GRM4: variants seen among roughly 807,000 people sequenced by gnomAD.
GRM4 encodes the protein metabotropic glutamate receptor 4.
A neutral mutation model predicts 81.7 loss-of-function variants in GRM4; 28 were observed. The observed-to-expected ratio is 0.34, with a 90% CI of 0.25 to 0.47. The LOEUF (loss-of-function observed/expected upper bound fraction) is 0.47. Among genes scored for constraint, GRM4 ranks in the 20% least tolerant of loss-of-function variants. GRM4 has a pLI of 1.00. For missense variants in GRM4, 948 were observed against 1,290.0 expected, an observed-to-expected ratio of 0.73 and a Z score of 4.06; for synonymous variants, 488 against 528.8, an observed-to-expected ratio of 0.92 and a Z score of 1.06.
At chr6:34,112,214 A>T (rs980465983) in intron 2 of GRM4, among the ~76,000 whole-genome samples, 3 of 152,270 alleles carry the variant, frequency 2.0e-5, no homozygotes, top group African/African-American at 7.2e-5. Flanking sequence ...TATTTATCCA[A>T]CGAGCGATAA....
chr6:34,101,648 G>C (rs1055799007), intron 2 of GRM4, among the ~76,000 whole-genome samples: 7 of 152,228 alleles, frequency 4.6e-5, no homozygotes, highest in Non-Finnish European at 1.0e-4. Context: ...TCCACTCCTG[G>C]CTGTCAAACT....
Position 34,035,559 on chromosome 6 carries a change from T to TGAAAGAAGGCAGGATGAGGCAA in GRM4, c.2442+108_2442+109insTTGCCTCATCCTGCCTTCTTTC, listed in dbSNP as rs1198761612. 1.7e-6 allele frequency: 1 copy of TGAAAGAAGGCAGGATGAGGCAA among 577,656 alleles called. No homozygotes were observed. Among genetic ancestry groups the TGAAAGAAGGCAGGATGAGGCAA allele is most frequent in the African/African-American group, 2.3e-5 (1 of 43,268 alleles). The allele number at this position is 577,656 out of a possible 1,614,324, so 35.8% of individuals were successfully genotyped here. On this transcript the variant is annotated intron_variant, in intron 9 of 10. Coordinates refer to ENST00000538487, the MANE Select transcript of GRM4 (RefSeq NM_000841.4). The surrounding 1 kb of genome is among the most constrained non-coding windows in gnomAD (Gnocchi z 6.6). ...GCAAGAAAGAAGGCAGAATGAGGCATGAAAGAAGGCATTTCTGGAGCAGGG... is the reference window on the plus strand; with the variant it reads ...GCAAGAAAGAAGGCAGAATGAGGCATGAAAGAAGGCAGGATGAGGCAAGAAAGAAGGCATTTCTGGAGCAGGG...
In GRM4 at chr6:34,048,251, C is replaced by T. The variant is rs1203909004; in HGVS notation, c.1169-7503G>A. On this transcript the variant is annotated intron_variant, in intron 6 of 10. Coordinates refer to ENST00000538487, the MANE Select transcript of GRM4 (RefSeq NM_000841.4). This position sits in a 1 kb window ranked among gnomAD's most constrained non-coding sequence, Gnocchi z 4.0. ...ACCCCCACTCAGCCCCTTGCTGGGC[C>T]TGGCAAGTCACTTAGCATCTATGAG... 6.6e-6 allele frequency among the ~76,000 whole-genome samples: 1 copy of T among 152,188 alleles called. No individual in the cohort carries two copies. Among genetic ancestry groups the T allele is most frequent in the African/African-American group, 2.4e-5 (1 of 41,444 alleles).
exon 1 of GRM4, chr6:34,155,101 C>G (rs866644696): frequency 6.6e-7 from 1 of 1,526,324 alleles, no homozygotes; most frequent in South Asian, 1.2e-5. Context: ...CGGAAGGAGG[C>G]AGCGGGGGCG....
At chr6:34,052,383 C>G (rs917999914) in intron 6 of GRM4, among the ~76,000 whole-genome samples, 2 of 152,240 alleles carry the variant, frequency 1.3e-5, no homozygotes, top group Non-Finnish European at 2.9e-5. Flanking sequence ...CTTGGGGGAA[C>G]TCCACTTCAG....
intron 2 of GRM4, among the ~76,000 whole-genome samples, chr6:34,120,642 C>A (rs1166538542): frequency 6.6e-6 from 1 of 152,188 alleles, no homozygotes; most frequent in Non-Finnish European, 1.5e-5. Context: ...TTTGTCAGGT[C>A]CCCAGCTCCT....
At position 34,133,454 on chromosome 6, in the gene GRM4, G is replaced by A; in HGVS notation, c.43C>T (p.Pro15Ser). The part of the protein sequence containing the change: ...RGLGWWWARL[P>S]LCLLLSLYGP... ...TAAAGGCTGAGGAGCAGGCAAAGGG[G>A]CAGCCGGGCCCACCACCAGCCCAAG... Residue 15 changes from proline (P) to serine (S), a missense_variant, in exon 2 of 11, where the codon CCC becomes TCC. Physicochemically the swap from Pro to Ser is moderately conservative, Grantham distance 74. Transcript: ENST00000538487. This position sits in a 1 kb window ranked among gnomAD's most constrained non-coding sequence, Gnocchi z 6.5. 6.3e-7 allele frequency: 1 copy of A among 1,599,604 alleles called. No homozygotes were observed. The highest frequency in any genetic ancestry group is 8.5e-7 in the Non-Finnish European group (1 of 1,173,032).
chr6:34,046,944 T>C (rs1305225051), intron 6 of GRM4, among the ~76,000 whole-genome samples: 1 of 151,804 alleles, frequency 6.6e-6, no homozygotes, highest in Admixed American at 6.6e-5. Flanking sequence ...AACAAGGGGG[T>C]CCCAGAACCC....
intron 2 of GRM4, among the ~76,000 whole-genome samples, chr6:34,104,360 C>G (rs574453045): frequency 6.6e-6 from 1 of 152,208 alleles, no homozygotes; most frequent in Middle Eastern, 3.2e-3. Flanking sequence ...CTGGAGTGTT[C>G]GTGTCATCAT....
At chr6:34,044,658 A>C (rs1242425165) in intron 6 of GRM4, among the ~76,000 whole-genome samples, 1 of 144,254 alleles carries the variant, frequency 6.9e-6, no homozygotes, top group African/African-American at 2.8e-5. Context: ...ACATACATAC[A>C]CATATATACA....
At chr6:34,105,011 A>G (rs2499715) in intron 2 of GRM4, among the ~76,000 whole-genome samples, 113,875 of 152,098 alleles carry the variant, frequency 0.75, 43,364 homozygotes, top group African/African-American at 0.88. Flanking sequence ...ACTGAGTGCC[A>G]GCAGTGGGGC....
At chr6:34,044,689 T>G (rs1285479681) in intron 6 of GRM4, among the ~76,000 whole-genome samples, 3 of 88,928 alleles carry the variant, frequency 3.4e-5, no homozygotes, top group African/African-American at 6.4e-5. Context: ...CACACAGACA[T>G]ACATACACAT....
intron 2 of GRM4, among the ~76,000 whole-genome samples, chr6:34,106,271 C>T (rs1205564688): frequency 6.6e-6 from 1 of 151,970 alleles, no homozygotes; most frequent in African/African-American, 2.4e-5. Context: ...AAAAATTAGC[C>T]AGGGGTGGTG....
rs948360771 is a variant in GRM4 at position 34,059,448 on chromosome 6, C to T, written c.873-320G>A. 1.3e-5 allele frequency: 5 copies of T among 380,990 alleles called. No individual in the cohort carries two copies. The highest frequency in any genetic ancestry group is 1.2e-4 in the Admixed American group (3 of 25,092). The allele number at this position is 380,990 out of a possible 1,614,324, so 23.6% of individuals were successfully genotyped here. ...CCCCTCCAGATCCACACCCGCCCCA[C>T]GTCTGACTCAGGCCCCACAACCACC... On this transcript the variant is annotated intron_variant, in intron 4 of 10. Transcript: ENST00000538487. The surrounding 1 kb of genome is among the most constrained non-coding windows in gnomAD (Gnocchi z 5.7).
intron 9 of GRM4, among the ~76,000 whole-genome samples, chr6:34,028,690 C>T (rs1330094680): frequency 6.6e-6 from 1 of 152,224 alleles, no homozygotes; most frequent in African/African-American, 2.4e-5. Flanking sequence ...TGGAAAACAT[C>T]TGGCACATGG....
chr6:34,102,267 G>T, intron 2 of GRM4: 2 of 829,558 alleles, frequency 2.4e-6, no homozygotes, highest in Non-Finnish European at 3.8e-6. Flanking sequence ...TTACAGCTCA[G>T]CTCAGAGCAG....
chr6:34,060,511 C>G (rs1766127441), intron 4 of GRM4: 1 of 152,264 alleles, frequency 6.6e-6, no homozygotes, highest in Admixed American at 6.5e-5. Flanking sequence ...CCCCTAGGGG[C>G]TTCTTCGCTG....
At chr6:34,081,781 G>A (rs1335684547) in intron 3 of GRM4, among the ~76,000 whole-genome samples, 1 of 152,204 alleles carries the variant, frequency 6.6e-6, no homozygotes, top group Non-Finnish European at 1.5e-5. Flanking sequence ...GTCCCTCCAG[G>A]GATGCAGAGA....
rs1765393916 is a variant in GRM4 at position 34,047,033 on chromosome 6, A to G, written c.1169-6285T>C. Among the ~76,000 whole-genome samples, 1 of 152,078 alleles carries G rather than the reference A, an allele frequency of 6.6e-6. No homozygotes were observed. On this transcript the variant is annotated intron_variant, in intron 6 of 10. Transcript: ENST00000538487. The surrounding 1 kb of genome is among the most constrained non-coding windows in gnomAD (Gnocchi z 4.5). ...CTTGGCTGGGCCATGGCCCAGCTAT[A>G]CACTCTAGGCCAAGTATGGGAGTGT...
Sources: allele counts gnomAD v4.1 joint callset (sites outside exome capture counted in the v4.1 genomes callset), GRCh38; gene constraint gnomAD v4.1.1; non-coding constraint Gnocchi (gnomAD v3.1); transcripts MANE v1.5; gene names NCBI Gene and HGNC (gene_info 2026-07-23, HGNC 2026-07-21).